Variants in LCOR observed in about 807,000 individuals in gnomAD.
LCOR encodes ligand-dependent corepressor.
LCOR carries 14 observed loss-of-function variants against 64.4 expected under a neutral mutation model. The observed-to-expected ratio is 0.22, with a 90% confidence interval of 0.14 to 0.34. LCOR has a LOEUF of 0.34. Among genes scored for constraint, LCOR ranks in the 10% least tolerant of loss-of-function variants. The pLI is 1.00. For synonymous variants in LCOR, 643 were observed against 642.5 expected (o/e 1.00, Z -0.01); for missense variants, 1,686 against 1,765.3 (o/e 0.96, Z 0.80).
At chr10:96,850,285 C>CA (rs766929926) in intron 2 of LCOR, among the ~76,000 whole-genome samples, 16 of 152,076 alleles carry the variant, frequency 1.1e-4, no homozygotes, top group Non-Finnish European at 2.4e-4. Flanking sequence ...CGCAGTGGCT[C>CA]ACGCCTGTAA....
At position 96,982,405 on chromosome 10, in the gene LCOR, C is replaced by T. The variant is rs1359936599; in HGVS notation, c.1945C>T (p.His649Tyr). The T allele has an allele frequency of 5.0e-6, 8 of 1,614,124 alleles. No individual in the cohort carries two copies. The highest frequency in any genetic ancestry group is 1.3e-5 in the African/African-American group (1 of 74,940). ...AGCAAGTGGGATGTCTTCTCCTGAA[C>T]ACAACCAACCACCAGTTGCACTGTT... ...PTASGMSSPE[H>Y]NQPPVALLDT... Residue 649 changes from histidine (H) to tyrosine (Y), a missense_variant, in exon 8 of 8, where the codon CAC becomes TAC. By Grantham distance (83) the His-to-Tyr change is moderately conservative (BLOSUM62 2). This residue lies in a region of LCOR where 1,293 missense variants were observed against 1,410.4 expected (regional missense o/e 0.92). Transcript: ENST00000421806.
chr10:96,877,274 A>G (rs1316346412), intron 2 of LCOR, among the ~76,000 whole-genome samples: 1 of 152,160 alleles, frequency 6.6e-6, no homozygotes, highest in Non-Finnish European at 1.5e-5. Flanking sequence ...CTGTAATTCA[A>G]GCACTTTGGG....
At chr10:96,878,249 A>C (rs1846203196) in intron 2 of LCOR, among the ~76,000 whole-genome samples, 1 of 138,384 alleles carries the variant, frequency 7.2e-6, no homozygotes, top group Non-Finnish European at 1.5e-5. Flanking sequence ...AGTTTTAGCA[A>C]ACTAACTGGT....
At chr10:96,938,848 A>C (rs1419729724) in intron 4 of LCOR, among the ~76,000 whole-genome samples, 1 of 152,248 alleles carries the variant, frequency 6.6e-6, no homozygotes, top group Admixed American at 6.5e-5. Flanking sequence ...GTATGTTGTA[A>C]ATTACAAAAT....
chr10:96,956,048 C>T lies in LCOR; in HGVS notation c.332+3852C>T. ...TGCTTCTTTGCAGATTTTGCATTGA[C>T]TTGTGTGTACAGAGATGAAATGTGC... On this transcript the variant is annotated intron_variant, in intron 7 of 7. Transcript: ENST00000421806. 4.8e-6 allele frequency: 7 copies of T among 1,469,384 alleles called. No individual in the cohort carries two copies. In the South Asian group the frequency reaches 8.7e-5, roughly 18 times the overall value. The allele number at this position is 1,469,384 out of a possible 1,614,324, so 91.0% of individuals were successfully genotyped here. A position where few individuals can be genotyped will look rare whatever the true frequency, so the allele number is the denominator to read the frequency against.
chr10:96,912,175 C>A (rs976301933), intron 4 of LCOR, among the ~76,000 whole-genome samples: 3 of 152,178 alleles, frequency 2.0e-5, no homozygotes, highest in African/African-American at 7.2e-5. Flanking sequence ...TTCAGGCAAT[C>A]CACCCGCCTC....
intron 7 of LCOR, chr10:96,954,929 A>G (rs2134532620): frequency 6.2e-7 from 1 of 1,605,388 alleles, no homozygotes; most frequent in Non-Finnish European, 8.5e-7. Context: ...TCCTGCTCAC[A>G]TCAGTTTCCT....
chr10:96,862,714 C>G (rs1845907524), intron 2 of LCOR, among the ~76,000 whole-genome samples: 1 of 152,180 alleles, frequency 6.6e-6, no homozygotes, highest in Admixed American at 6.5e-5. Context: ...TATCCTCAAG[C>G]TACCTAGGAA....
intron 4 of LCOR, among the ~76,000 whole-genome samples, chr10:96,943,767 C>T (rs1847539650): frequency 6.7e-6 from 1 of 150,326 alleles, no homozygotes; most frequent in African/African-American, 2.5e-5. Flanking sequence ...AAAAAAAAGC[C>T]TTCTGTCTGA....
At chr10:96,881,064 C>G (rs1846254882) in intron 2 of LCOR, among the ~76,000 whole-genome samples, 1 of 152,172 alleles carries the variant, frequency 6.6e-6, no homozygotes, top group Admixed American at 6.5e-5. Context: ...GTCTCAAGAT[C>G]TAAGGGTGGT....
chr10:96,917,940 A>G (rs2134467668), intron 4 of LCOR, among the ~76,000 whole-genome samples: 1 of 152,210 alleles, frequency 6.6e-6, no homozygotes. Flanking sequence ...ATGAGGAGAG[A>G]ATGGAGATAG....
chr10:96,891,652 C>T (rs1243580041), intron 2 of LCOR, among the ~76,000 whole-genome samples: 1 of 145,250 alleles, frequency 6.9e-6, no homozygotes, highest in Non-Finnish European at 1.5e-5. Flanking sequence ...AAGCAGTTCT[C>T]CTGTCTCAGC....
rs553957886 is a variant in LCOR at position 96,990,601 on chromosome 10, G to A, written c.*5467G>A. The A allele has an allele frequency of 6.6e-6, 1 of 152,354 alleles. No homozygotes were observed. The highest frequency in any genetic ancestry group is 2.1e-4 in the South Asian group (1 of 4,830). The allele number at this position is 152,354 out of a possible 1,614,324, so 9.4% of individuals were successfully genotyped here. ...CAGGCAGAAACTCAGAGCTCTCAGGGCTTTGCTGTGCTGTGCTGTGTCATG... is the reference window on the plus strand; with the variant it reads ...CAGGCAGAAACTCAGAGCTCTCAGGACTTTGCTGTGCTGTGCTGTGTCATG... On this transcript the variant is annotated 3_prime_UTR_variant, in exon 8 of 8. Transcript: ENST00000421806.
chr10:96,845,351 A>G (rs1437497389), intron 2 of LCOR, among the ~76,000 whole-genome samples: 1 of 151,140 alleles, frequency 6.6e-6, no homozygotes, highest in Non-Finnish European at 1.5e-5. Context: ...TGCACCATGA[A>G]TGATATAAAC....
chr10:96,876,126 T>G (rs1440467027), intron 2 of LCOR, among the ~76,000 whole-genome samples: 1 of 152,262 alleles, frequency 6.6e-6, no homozygotes, highest in South Asian at 2.1e-4. Context: ...CTGGGTAATA[T>G]ATAAAGAAAA....
chr10:96,918,224 C>G (rs1846988456), intron 4 of LCOR, among the ~76,000 whole-genome samples: 1 of 152,138 alleles, frequency 6.6e-6, no homozygotes. Flanking sequence ...CATCAGTTGT[C>G]TTCCTGGCCC....
chr10:96,925,141 T>C (rs1217029790), intron 4 of LCOR, among the ~76,000 whole-genome samples: 1 of 152,108 alleles, frequency 6.6e-6, no homozygotes. Flanking sequence ...GGTGGTGCAA[T>C]CTGGGCTCAC....
chr10:96,935,800 A>T (rs1237731423), intron 4 of LCOR, among the ~76,000 whole-genome samples: 1 of 152,206 alleles, frequency 6.6e-6, no homozygotes. Flanking sequence ...GTGCCACTGC[A>T]CTCAAGCCTG....
chr10:96,951,904 C>T (rs1176236415), intron 6 of LCOR, among the ~76,000 whole-genome samples, 199 bp from the exon 7 acceptor site: 2 of 152,060 alleles, frequency 1.3e-5, no homozygotes, highest in Non-Finnish European at 2.9e-5. Context: ...TATATTTAGC[C>T]CTTGAGGATA....
Sources: allele counts gnomAD v4.1 joint callset (sites outside exome capture counted in the v4.1 genomes callset), GRCh38; gene constraint gnomAD v4.1.1; regional missense constraint gnomAD v4.1.1; transcripts MANE v1.5; gene names NCBI Gene and HGNC (gene_info 2026-07-23, HGNC 2026-07-21).